NRG3: variants seen among roughly 807,000 people sequenced by gnomAD.
The protein encoded by NRG3 is pro-neuregulin-3, membrane-bound isoform.
In NRG3, 31 loss-of-function variants were observed where a neutral mutation model predicts 66.9. The observed-to-expected ratio is 0.46, with a 90% CI of 0.35 to 0.63. The LOEUF (loss-of-function observed/expected upper bound fraction) is 0.63, where lower values mean the gene tolerates loss of function less well. Ranked by LOEUF, NRG3 falls within the 20% of genes least tolerant of loss-of-function variation. The pLI is 0.00. For missense variants in NRG3, 910 were observed against 878.9 expected, an observed-to-expected ratio of 1.04 and a Z score of -0.45; for synonymous variants, 393 against 359.4, an observed-to-expected ratio of 1.09 and a Z score of -1.06.
chr10:81,920,659 T>C (rs1453933584), intron 1 of NRG3, among the ~76,000 whole-genome samples: 1 of 152,174 alleles, frequency 6.6e-6, no homozygotes, highest in Non-Finnish European at 1.5e-5. Flanking sequence ...AAGCTAATGC[T>C]TTTGCTTATT....
intron 1 of NRG3, among the ~76,000 whole-genome samples, chr10:82,114,764 C>T (rs996044175): frequency 2.0e-5 from 3 of 152,068 alleles, no homozygotes; most frequent in Admixed American, 1.3e-4. Flanking sequence ...AATTAAATTT[C>T]CCCTGGAAAC....
chr10:82,524,103 T>C (rs1846458322), intron 2 of NRG3, among the ~76,000 whole-genome samples: 1 of 152,084 alleles, frequency 6.6e-6, no homozygotes, highest in African/African-American at 2.4e-5. Context: ...ACACACTCTT[T>C]TCTCGTAAGA....
chr10:82,664,760 T>C (rs779386693), intron 2 of NRG3, among the ~76,000 whole-genome samples: 7 of 151,884 alleles, frequency 4.6e-5, no homozygotes, highest in Admixed American at 1.3e-4. Flanking sequence ...GTCGCTGTCA[T>C]CCGTGTTCCC....
intron 2 of NRG3, among the ~76,000 whole-genome samples, chr10:82,732,889 G>A (rs2057983589): frequency 6.6e-6 from 1 of 152,206 alleles, no homozygotes; most frequent in South Asian, 2.1e-4. Context: ...ATTGGCAGAA[G>A]AGAGAGAAGA....
intron 2 of NRG3, among the ~76,000 whole-genome samples, chr10:82,504,116 G>T (rs1275282871): frequency 2.0e-5 from 3 of 152,170 alleles, no homozygotes; most frequent in Non-Finnish European, 4.4e-5. Flanking sequence ...GTAAGCTCTT[G>T]TCTGTGGATT....
chr10:82,797,754 C>A (rs1406015046), intron 3 of NRG3, among the ~76,000 whole-genome samples: 2 of 152,120 alleles, frequency 1.3e-5, no homozygotes, highest in African/African-American at 2.4e-5. Context: ...TGTTGTCAAA[C>A]TGATCTCAAT....
intron 3 of NRG3, among the ~76,000 whole-genome samples, chr10:82,744,819 G>A (rs1015560453): frequency 6.6e-6 from 1 of 152,086 alleles, no homozygotes; most frequent in Admixed American, 6.5e-5. Flanking sequence ...TATAGCTGTT[G>A]CTAGGATGAA....
intron 3 of NRG3, among the ~76,000 whole-genome samples, chr10:82,803,336 G>A (rs2061131621): frequency 6.6e-6 from 1 of 152,154 alleles, no homozygotes; most frequent in South Asian, 2.1e-4. Context: ...GCCTGTAAAT[G>A]TTTCTGCGCT....
chr10:82,614,386 T>C (rs2048508447), intron 2 of NRG3, among the ~76,000 whole-genome samples: 1 of 152,224 alleles, frequency 6.6e-6, no homozygotes, highest in Non-Finnish European at 1.5e-5. Flanking sequence ...TGCAGCAGTA[T>C]AAATACTAGA....
intron 2 of NRG3, among the ~76,000 whole-genome samples, chr10:82,378,458 A>G (rs1292015686): frequency 2.0e-5 from 3 of 152,136 alleles, no homozygotes; most frequent in East Asian, 3.9e-4. Flanking sequence ...TTAAGCCTGG[A>G]TCCCTGTAAC....
At chr10:82,041,581 A>G (rs1429955304) in intron 1 of NRG3, among the ~76,000 whole-genome samples, 1 of 152,122 alleles carries the variant, frequency 6.6e-6, no homozygotes, top group Non-Finnish European at 1.5e-5. Flanking sequence ...TCCAAAACAC[A>G]TATTTTCCCT....
At chr10:82,466,163 C>G (rs1824248417) in intron 2 of NRG3, among the ~76,000 whole-genome samples, 1 of 152,122 alleles carries the variant, frequency 6.6e-6, no homozygotes, top group South Asian at 2.1e-4. Context: ...CATCCTCTGA[C>G]TATTCCTCCT....
chr10:82,831,902 A>AC (rs975882643), intron 3 of NRG3, among the ~76,000 whole-genome samples: 2 of 151,956 alleles, frequency 1.3e-5, no homozygotes, highest in South Asian at 4.1e-4. Context: ...ATATGCACCC[A>AC]CCCCCCCAAC....
intron 1 of NRG3, among the ~76,000 whole-genome samples, chr10:82,148,383 C>G (rs1466818971): frequency 1.3e-5 from 2 of 152,148 alleles, no homozygotes; most frequent in Non-Finnish European, 2.9e-5. Context: ...TTAGTTCTTT[C>G]TAACCCATGG....
intron 2 of NRG3, among the ~76,000 whole-genome samples, chr10:82,475,672 A>G (rs1482604466): frequency 6.6e-6 from 1 of 152,212 alleles, no homozygotes; most frequent in Non-Finnish European, 1.5e-5. Context: ...CCCTTATCTT[A>G]CACTATAAAA....
At chr10:82,682,825 A>T (rs1389564078) in intron 2 of NRG3, among the ~76,000 whole-genome samples, 1 of 152,028 alleles carries the variant, frequency 6.6e-6, no homozygotes, top group Non-Finnish European at 1.5e-5. Flanking sequence ...TTCTAGCTTC[A>T]GTTTCTTTAA....
At chr10:82,095,737 A>G (rs2066296932) in intron 1 of NRG3, among the ~76,000 whole-genome samples, 1 of 152,176 alleles carries the variant, frequency 6.6e-6, no homozygotes, top group Non-Finnish European at 1.5e-5. Flanking sequence ...TAGTGTTAAA[A>G]CTTAACTCAC....
In NRG3 at chr10:82,302,239, T is replaced by C. The variant is rs975300864; in HGVS notation, c.824-56500T>C. Among the ~76,000 whole-genome samples, 23 of 152,234 alleles carry C rather than the reference T, an allele frequency of 1.5e-4. 1 individual carries two copies. The South Asian group carries it at 4.8e-3, about 32-fold the overall frequency. On this transcript the variant is annotated intron_variant, in intron 1 of 8. Transcript: ENST00000372141. ...GTATTTATTTTACTAGCATTACTTA[T>C]GTAAGAAAGGAAGAAGTTATTGCAA...
At chr10:82,624,034 G>A (rs2049232686) in intron 2 of NRG3, among the ~76,000 whole-genome samples, 1 of 152,126 alleles carries the variant, frequency 6.6e-6, no homozygotes, top group African/African-American at 2.4e-5. Flanking sequence ...CTTTGAGACA[G>A]AAAAACTTGG....
Sources: allele counts gnomAD v4.1 joint callset (sites outside exome capture counted in the v4.1 genomes callset), GRCh38; gene constraint gnomAD v4.1.1; transcripts MANE v1.5; gene names NCBI Gene and HGNC (gene_info 2026-07-23, HGNC 2026-07-21).